Variants in DLGAP2 observed in about 807,000 individuals in gnomAD.
DLGAP2 encodes the protein disks large-associated protein 2.
In DLGAP2, 26 loss-of-function variants were observed where a neutral mutation model predicts 100.3. That is an observed-to-expected ratio of 0.26 (90% CI 0.19 to 0.36). DLGAP2 has a LOEUF of 0.36. DLGAP2 is among the 10% of genes least tolerant of loss of function. DLGAP2 has a pLI of 1.00. For missense variants in DLGAP2, 1,858 were observed against 1,453.2 expected (o/e 1.28, Z -4.53); for synonymous variants, 886 against 630.1 (o/e 1.41, Z -6.08).
At chr8:1,291,599 C>G (rs990588363) in intron 3 of DLGAP2, among the ~76,000 whole-genome samples, 1 of 152,210 alleles carries the variant, frequency 6.6e-6, no homozygotes, top group African/African-American at 2.4e-5. Flanking sequence ...CCTGCCTACT[C>G]TTAGCATATC....
intron 1 of DLGAP2, among the ~76,000 whole-genome samples, chr8:823,963 G>A (rs1796636298): frequency 6.6e-6 from 1 of 152,176 alleles, no homozygotes; most frequent in Non-Finnish European, 1.5e-5. Context: ...TCCCAAAGGG[G>A]AAGTTGCAAT....
intron 1 of DLGAP2, among the ~76,000 whole-genome samples, chr8:853,220 G>A (rs544998170): frequency 3.2e-4 from 48 of 152,306 alleles, no homozygotes; most frequent in Non-Finnish European, 4.0e-4. Flanking sequence ...GAAAGGACGC[G>A]GAGCATGGTC....
intron 3 of DLGAP2, among the ~76,000 whole-genome samples, chr8:1,339,096 C>T (rs1447527724): frequency 7.3e-5 from 11 of 150,118 alleles, no homozygotes; most frequent in Non-Finnish European, 1.3e-4. Flanking sequence ...GCAGTGACCT[C>T]AGCGTGGCGT....
rs548033852 is a variant in DLGAP2, at chr8:1,160,687, G to A, written c.74-98164G>A. On this transcript the variant is annotated intron_variant, in intron 2 of 14. Coordinates refer to ENST00000637795, the MANE Select transcript of DLGAP2 (RefSeq NM_001346810.2). ...GTGTGTGTAATGAGGCTAACTCCAG[G>A]ACAGTGCGGACCCTAACATCAGCAT... is the stretch of plus-strand genomic sequence containing the variant. 7.2e-5 allele frequency among the ~76,000 whole-genome samples: 11 copies of A among 152,342 alleles called. No homozygotes were observed. In the South Asian group the frequency reaches 2.3e-3, roughly 32 times the overall value.
At chr8:1,467,274 C>A (rs900890342) in intron 3 of DLGAP2, among the ~76,000 whole-genome samples, 1 of 151,940 alleles carries the variant, frequency 6.6e-6, no homozygotes, top group Non-Finnish European at 1.5e-5. Flanking sequence ...CCCCACTGCA[C>A]CCTCATATCC....
chr8:1,384,953 G>T (rs185234999), intron 3 of DLGAP2, among the ~76,000 whole-genome samples: 23 of 87,948 alleles, frequency 2.6e-4, no homozygotes, highest in African/African-American at 9.8e-4. Flanking sequence ...ACTTGGTGCA[G>T]TTACCCCGGC....
intron 1 of DLGAP2, among the ~76,000 whole-genome samples, chr8:772,575 G>A (rs986719491): frequency 2.6e-5 from 4 of 151,546 alleles, no homozygotes; most frequent in African/African-American, 4.8e-5. Flanking sequence ...TGCCTGCCTC[G>A]GCCTCCCAAA....
At chr8:1,042,361 G>A (rs1027360605) in intron 2 of DLGAP2, among the ~76,000 whole-genome samples, 8 of 152,174 alleles carry the variant, frequency 5.3e-5, no homozygotes, top group African/African-American at 1.9e-4. Flanking sequence ...GCTTCCTTAG[G>A]GGTTTCAGGA....
At chr8:1,627,514 T>C (rs967608091) in intron 7 of DLGAP2, among the ~76,000 whole-genome samples, 1 of 152,272 alleles carries the variant, frequency 6.6e-6, no homozygotes, top group African/African-American at 2.4e-5. Flanking sequence ...AATCGGCAAG[T>C]GTCCTTCAGT....
intron 2 of DLGAP2, among the ~76,000 whole-genome samples, chr8:960,237 C>CTTTTTTT (rs71528625): frequency 0.095 from 4,242 of 44,598 alleles, 789 homozygotes; most frequent in Non-Finnish European, 0.11. Flanking sequence ...TGAAGTATAT[C>CTTTTTTT]TTTTTTTTTT....
chr8:756,398 A>C (rs1363902305), intron 1 of DLGAP2, among the ~76,000 whole-genome samples: 3 of 152,234 alleles, frequency 2.0e-5, no homozygotes, highest in East Asian at 1.9e-4. Context: ...GCTGACATTG[A>C]GAATGTTCTC....
chr8:1,028,446 T>C (rs1801880313), intron 2 of DLGAP2, among the ~76,000 whole-genome samples: 1 of 150,158 alleles, frequency 6.7e-6, no homozygotes, highest in African/African-American at 2.5e-5. Flanking sequence ...CGCCCGTTAT[T>C]CTCCAGGTGG....
chr8:1,588,799 G>A (rs1358423900), intron 6 of DLGAP2, among the ~76,000 whole-genome samples: 2 of 149,480 alleles, frequency 1.3e-5, no homozygotes, highest in East Asian at 4.0e-4. Context: ...GTACATGCCT[G>A]TAATCCCAGC....
At chr8:1,056,933 A>G (rs1297034614) in intron 2 of DLGAP2, among the ~76,000 whole-genome samples, 1 of 152,190 alleles carries the variant, frequency 6.6e-6, no homozygotes, top group Non-Finnish European at 1.5e-5. Context: ...CAACCCAAAT[A>G]GGGAGGTGAG....
At chr8:1,667,174 G>C (rs1798565440) in intron 8 of DLGAP2, among the ~76,000 whole-genome samples, 1 of 152,226 alleles carries the variant, frequency 6.6e-6, no homozygotes, top group South Asian at 2.1e-4. Context: ...GAAAATAATT[G>C]ACTGTAACGG....
In DLGAP2 at chr8:785,221, C is replaced by CAAAAAAAAA. The variant is rs55781731; in HGVS notation, c.18+47419_18+47427dup. Among the ~76,000 whole-genome samples the CAAAAAAAAA allele has an allele frequency of 1.7e-3, 106 of 60,818 alleles. 12 individuals are homozygous for CAAAAAAAAA. Among genetic ancestry groups the CAAAAAAAAA allele is most frequent in the Non-Finnish European group, 2.3e-3 (83 of 35,918 alleles). 39.9% of individuals were successfully genotyped at this position (60,818 alleles called of 152,430 possible). On this transcript the variant is annotated intron_variant, in intron 1 of 14. Transcript: ENST00000637795. ...TGGGCGACAGAGCGAGACTCCGCCT[C>CAAAAAAAAA]AAAAAAAAAAAAAAAAAAAAAAAAA...
chr8:1,697,542 G>C (rs943481424), intron 14 of DLGAP2, among the ~76,000 whole-genome samples: 1 of 152,226 alleles, frequency 6.6e-6, no homozygotes, highest in African/African-American at 2.4e-5. Flanking sequence ...GGTCTCCCCT[G>C]CTCTGTCTCT....
intron 2 of DLGAP2, among the ~76,000 whole-genome samples, chr8:1,018,160 T>G (rs1251474877): frequency 6.6e-6 from 1 of 151,932 alleles, no homozygotes; most frequent in Non-Finnish European, 1.5e-5. Flanking sequence ...CTCAGTCAGA[T>G]GCATTATCCT....
At chr8:1,649,815 A>G (rs1798123577) in intron 8 of DLGAP2, among the ~76,000 whole-genome samples, 1 of 152,244 alleles carries the variant, frequency 6.6e-6, no homozygotes, top group African/African-American at 2.4e-5. Context: ...TGGATTCATC[A>G]TGGGGAATAT....
Sources: gnomAD v4.1 joint callset for allele counts (sites outside exome capture counted in the v4.1 genomes callset) on GRCh38, gnomAD v4.1.1 for gene constraint, MANE v1.5 for transcripts, NCBI Gene and HGNC (gene_info 2026-07-23, HGNC 2026-07-21) for gene names.